Variants in TSHZ2 observed in about 807,000 individuals in gnomAD.
The protein encoded by TSHZ2 is teashirt zinc finger homeobox 2.
In TSHZ2, 21 loss-of-function variants were observed where a neutral mutation model predicts 74.4. That is an observed-to-expected ratio of 0.28 (90% CI 0.20 to 0.41). The LOEUF (loss-of-function observed/expected upper bound fraction) is 0.41. TSHZ2 is among the 10% of genes least tolerant of loss of function. The pLI, the probability that TSHZ2 is intolerant of heterozygous loss-of-function variation, is 1.00. For missense variants in TSHZ2, 1,244 were observed against 1,293.5 expected, an observed-to-expected ratio of 0.96 and a Z score of 0.59; for synonymous variants, 540 against 515.3, an observed-to-expected ratio of 1.05 and a Z score of -0.65.
chr20:53,293,355 C>T (rs551624648), intron 2 of TSHZ2, among the ~76,000 whole-genome samples: 23 of 152,072 alleles, frequency 1.5e-4, no homozygotes, highest in African/African-American at 5.5e-4. Context: ...CCCAGCCACT[C>T]GGGAGGCTGA....
At chr20:53,147,780 C>G (rs1182444444) in intron 1 of TSHZ2, among the ~76,000 whole-genome samples, 2 of 152,042 alleles carry the variant, frequency 1.3e-5, no homozygotes, top group Non-Finnish European at 2.9e-5. Context: ...GCAGTGGTGC[C>G]ATCTCTGCTC....
chr20:53,277,440 A>AC (rs1446787851), intron 2 of TSHZ2, among the ~76,000 whole-genome samples: 18 of 150,614 alleles, frequency 1.2e-4, no homozygotes, highest in African/African-American at 4.5e-4. Flanking sequence ...TGCAAAAAAA[A>AC]CCAAAAAACT....
At chr20:53,302,666 T>G (rs891470511) in intron 2 of TSHZ2, among the ~76,000 whole-genome samples, 4 of 152,122 alleles carry the variant, frequency 2.6e-5, no homozygotes, top group African/African-American at 9.7e-5. Flanking sequence ...TTAAATGGAG[T>G]AAGTTCCTTA....
intron 2 of TSHZ2, among the ~76,000 whole-genome samples, chr20:53,433,153 C>G (rs996785144): frequency 1.3e-5 from 2 of 152,198 alleles, no homozygotes; most frequent in Non-Finnish European, 2.9e-5. Flanking sequence ...TTTTGTCATC[C>G]TTAGCTGCAA....
chr20:53,223,647 C>T (rs934273507), intron 1 of TSHZ2, among the ~76,000 whole-genome samples: 3 of 152,120 alleles, frequency 2.0e-5, no homozygotes, highest in African/African-American at 7.2e-5. Flanking sequence ...CCTCCTACCT[C>T]GGCCTTCCAA....
intron 1 of TSHZ2, among the ~76,000 whole-genome samples, chr20:53,083,694 A>G (rs991410731): frequency 6.6e-6 from 1 of 152,258 alleles, no homozygotes; most frequent in African/African-American, 2.4e-5. Flanking sequence ...TTCCTCATCT[A>G]TAAATTGGGC....
chr20:52,977,558 GGATA>G (rs149738759), intron 1 of TSHZ2, among the ~76,000 whole-genome samples: 1,564 of 151,714 alleles, frequency 0.01, 20 homozygotes, highest in Non-Finnish European at 0.011. Context: ...GAAAAAGGAA[GGATA>G]GATTCCTTGA....
chr20:53,383,773 C>G (rs1981943117), intron 2 of TSHZ2, among the ~76,000 whole-genome samples: 4 of 151,880 alleles, frequency 2.6e-5, no homozygotes, highest in Admixed American at 1.3e-4. Context: ...AAAATAATAA[C>G]AATAATAATA....
chr20:52,984,138 T>C (rs1981666887), intron 1 of TSHZ2, among the ~76,000 whole-genome samples: 1 of 152,222 alleles, frequency 6.6e-6, no homozygotes, highest in Non-Finnish European at 1.5e-5. Context: ...GGGGAGATTC[T>C]GCTGCCTGCC....
intron 2 of TSHZ2, among the ~76,000 whole-genome samples, chr20:53,327,468 G>A (rs1371670389): frequency 1.3e-5 from 2 of 152,156 alleles, no homozygotes; most frequent in African/African-American, 4.8e-5. Context: ...CAGCTTGGGC[G>A]ACAGAGCAAG....
intron 2 of TSHZ2, among the ~76,000 whole-genome samples, chr20:53,402,675 C>T (rs1982709668): frequency 6.6e-6 from 1 of 152,130 alleles, no homozygotes; most frequent in South Asian, 2.1e-4. Flanking sequence ...GAGAAAGTGA[C>T]ATTCGATGCC....
At chr20:53,031,403 G>T (rs1983631168) in intron 1 of TSHZ2, among the ~76,000 whole-genome samples, 1 of 152,118 alleles carries the variant, frequency 6.6e-6, no homozygotes, top group Non-Finnish European at 1.5e-5. Context: ...CTCCAAAATG[G>T]CATAAAAATT....
At chr20:53,127,349 TA>T (rs894773396) in intron 1 of TSHZ2, among the ~76,000 whole-genome samples, 3 of 152,200 alleles carry the variant, frequency 2.0e-5, no homozygotes, top group African/African-American at 7.2e-5. Context: ...AAGATAGGGC[TA>T]AGTATTATAA....
intron 1 of TSHZ2, among the ~76,000 whole-genome samples, chr20:53,241,589 T>C (rs143492320): frequency 2.6e-5 from 4 of 152,222 alleles, no homozygotes; most frequent in African/African-American, 9.6e-5. Context: ...TGAAAAAGTA[T>C]ATACAAAAAA....
At chr20:52,982,868 A>G (rs1452686419) in intron 1 of TSHZ2, among the ~76,000 whole-genome samples, 2 of 152,184 alleles carry the variant, frequency 1.3e-5, no homozygotes, top group African/African-American at 4.8e-5. Flanking sequence ...GGCTGGGAGA[A>G]GCAGTCCAGG....
chr20:53,477,876 G>A (rs932995024), intron 2 of TSHZ2, among the ~76,000 whole-genome samples: 1 of 151,122 alleles, frequency 6.6e-6, no homozygotes, highest in African/African-American at 2.4e-5. Flanking sequence ...CTTCTCAAAA[G>A]AAGACATTTA....
chr20:53,065,909 G>A lies in TSHZ2; in HGVS notation c.40+92576G>A, dbSNP rs370051159. Among the ~76,000 whole-genome samples, 8 of 152,342 alleles carry A rather than the reference G, an allele frequency of 5.3e-5. No individual in the cohort carries two copies. In the South Asian group the frequency reaches 1.2e-3, roughly 24 times the overall value. Reference sequence around the variant, plus strand: ...TTCAGCTTCCTGAGATTGTGCCTAAGTTCCAGGGTGTTTACAGACATCCAA... The same window carrying A: ...TTCAGCTTCCTGAGATTGTGCCTAAATTCCAGGGTGTTTACAGACATCCAA... On this transcript the variant is annotated intron_variant, in intron 1 of 2. Transcript: ENST00000371497.
chr20:53,299,268 C>G (rs1991435091), intron 2 of TSHZ2, among the ~76,000 whole-genome samples: 1 of 152,204 alleles, frequency 6.6e-6, no homozygotes, highest in African/African-American at 2.4e-5. Context: ...TTGGATAATT[C>G]ATCAATTAGT....
intron 1 of TSHZ2, among the ~76,000 whole-genome samples, chr20:53,122,474 T>A (rs894077748): frequency 1.3e-5 from 2 of 152,120 alleles, no homozygotes; most frequent in Non-Finnish European, 2.9e-5. Flanking sequence ...TAATTTCTAT[T>A]TCTATCAGGG....
Sources: allele counts gnomAD v4.1 joint callset (sites outside exome capture counted in the v4.1 genomes callset), GRCh38; gene constraint gnomAD v4.1.1; transcripts MANE v1.5; gene names NCBI Gene and HGNC (gene_info 2026-07-23, HGNC 2026-07-21).